The following SLC43A3 variants were observed in gnomAD, a reference collection of about 807,000 sequenced individuals.
The protein encoded by SLC43A3 is solute carrier family 43 member 3, also known as equilibrative nucleobase transporter 1.
A neutral mutation model predicts 53.3 loss-of-function variants in SLC43A3; 33 were observed. The ratio of observed to expected loss-of-function variants is 0.62; its 90% CI spans 0.47 to 0.83. The LOEUF (loss-of-function observed/expected upper bound fraction) is 0.83. Ranked by LOEUF, SLC43A3 falls within the 40% of genes least tolerant of loss-of-function variation. The probability of loss-of-function intolerance (pLI) is 0.00; values close to 1 mark genes in which losing one functional copy is unlikely to be tolerated. For missense variants in SLC43A3, 530 were observed against 610.0 expected, an observed-to-expected ratio of 0.87 and a Z score of 1.38; for synonymous variants, 236 against 246.2, an observed-to-expected ratio of 0.96 and a Z score of 0.39.
chr11:57,407,665 T>TTGTG lies in SLC43A3; in HGVS notation c.*123_*126dup, dbSNP rs3832767. The TTGTG allele has an allele frequency of 7.1e-3, 4,014 of 566,102 alleles. 23 individuals are homozygous for TTGTG. The highest frequency in any genetic ancestry group is 0.031 in the African/African-American group (1,630 of 52,702). 35.1% of individuals were successfully genotyped at this position (566,102 alleles called of 1,614,324 possible). The stretch of plus-strand genomic sequence containing the variant: ...GCAGACGTCCTTGTGTGTCTTTATT[T>TTGTG]TGTGTGTGTGTGTGTGTGTGTGTGT... On this transcript the variant is annotated 3_prime_UTR_variant, in exon 14 of 14. Transcript: ENST00000395124.
intron 7 of SLC43A3, among the ~76,000 whole-genome samples, chr11:57,420,347 T>C (rs1354241284): frequency 6.6e-6 from 1 of 152,232 alleles, no homozygotes; most frequent in Non-Finnish European, 1.5e-5. Context: ...GATCATATGC[T>C]GACCTCCACC....
intron 13 of SLC43A3, 125 bp downstream of exon 13, chr11:57,409,050 A>AATAACAC: frequency 1.1e-6 from 1 of 934,832 alleles, no homozygotes; most frequent in South Asian, 1.5e-5. Flanking sequence ...CAAATACTTG[A>AATAACAC]ATAACACAGA....
At chr11:57,415,625 T>C (rs1174161983) in intron 9 of SLC43A3, among the ~76,000 whole-genome samples, 1 of 152,178 alleles carries the variant, frequency 6.6e-6, no homozygotes, top group Non-Finnish European at 1.5e-5. Flanking sequence ...ACCAATGAGA[T>C]GGTTCCTCCT....
chr11:57,416,083 G>A (rs1942703625), intron 9 of SLC43A3, among the ~76,000 whole-genome samples: 1 of 152,018 alleles, frequency 6.6e-6, no homozygotes, highest in Non-Finnish European at 1.5e-5. Flanking sequence ...TTTGTCCTTC[G>A]ACCTGCATCT....
intron 5 of SLC43A3, 48 bp downstream of exon 5, chr11:57,423,934 C>G (rs1943095477): frequency 6.3e-7 from 1 of 1,585,040 alleles, no homozygotes; most frequent in Admixed American, 1.7e-5. Context: ...CCCCAGCCAC[C>G]AGGTGCCTCT....
chr11:57,421,042 T>C lies in SLC43A3; in HGVS notation c.461A>G (p.His154Arg). Residue 154 changes from histidine (H) to arginine (R), a missense_variant, in exon 7 of 14, where the codon CAC (histidine) becomes CGC (arginine). His to Arg is a conservative substitution (Grantham distance 29, BLOSUM62 0). This residue lies in a region of SLC43A3 where 376 missense variants were observed against 386.7 expected (regional missense o/e 0.97). Transcript: ENST00000395124. Reference sequence around the variant, plus strand: ...GTACAGAGTGATGATGGTCGAACGGTGTTGGCCAAATAGGTTCCCAATCTG... The same window carrying C: ...GTACAGAGTGATGATGGTCGAACGGCGTTGGCCAAATAGGTTCCCAATCTG... Reference protein sequence around the residue: ...NLQIGNLFGQHRSTIITLYNG... With the variant: ...NLQIGNLFGQRRSTIITLYNG... The C allele has an allele frequency of 6.2e-7, 1 of 1,613,402 alleles. No homozygotes were observed. The highest frequency in any genetic ancestry group is 1.1e-5 in the South Asian group (1 of 91,076).
chr11:57,418,358 A>G (rs1394225088), intron 7 of SLC43A3, among the ~76,000 whole-genome samples: 1 of 151,908 alleles, frequency 6.6e-6, no homozygotes, highest in East Asian at 1.9e-4. Flanking sequence ...AAAGGAAAGG[A>G]AAGAAATTCT....
intron 8 of SLC43A3, among the ~76,000 whole-genome samples, chr11:57,417,197 G>A (rs894598685): frequency 2.0e-5 from 3 of 152,160 alleles, no homozygotes; most frequent in Non-Finnish European, 4.4e-5. Flanking sequence ...CCCCCAATTT[G>A]AATGAGACTG....
At chr11:57,408,896 C>A in intron 13 of SLC43A3, 1 of 404,488 alleles carries the variant, frequency 2.5e-6, no homozygotes, top group Non-Finnish European at 4.6e-6. Context: ...CCTGTGTGGG[C>A]CTAGGGGAGA....
At chr11:57,408,245 A>G (rs1490047606) in intron 13 of SLC43A3, 7 of 207,462 alleles carry the variant, frequency 3.4e-5, no homozygotes, top group Admixed American at 1.6e-4. Flanking sequence ...TGTCACAATC[A>G]AGTCATTCGC....
intron 11 of SLC43A3, among the ~76,000 whole-genome samples, chr11:57,411,847 C>G (rs1349528075): frequency 1.3e-5 from 2 of 152,022 alleles, no homozygotes; most frequent in African/African-American, 4.8e-5. Context: ...ATTTAAAATA[C>G]TATATATGTG....
intron 7 of SLC43A3, 54 bp from the exon 8 acceptor site, chr11:57,417,941 A>G: frequency 6.4e-7 from 1 of 1,568,146 alleles, no homozygotes; most frequent in South Asian, 1.1e-5. Context: ...TAGCAGCACT[A>G]TTCACAATAG....
chr11:57,425,518 C>T (rs1217011079), intron 4 of SLC43A3, 23 bp downstream of exon 4: 5 of 1,608,524 alleles, frequency 3.1e-6, no homozygotes, highest in Non-Finnish European at 4.3e-6. Context: ...CCACCTTTGC[C>T]TGGGCTGGCC....
At chr11:57,409,546 G>C (rs1402365707) in intron 12 of SLC43A3, among the ~76,000 whole-genome samples, 2 of 152,188 alleles carry the variant, frequency 1.3e-5, no homozygotes, top group Non-Finnish European at 2.9e-5. Context: ...CACCAGGAAA[G>C]AAAAGACAGG....
intron 12 of SLC43A3, among the ~76,000 whole-genome samples, chr11:57,409,499 G>A (rs193012070): frequency 2.0e-5 from 3 of 152,288 alleles, no homozygotes; most frequent in African/African-American, 7.2e-5. Flanking sequence ...GCACATGCGG[G>A]GCCCTGGAAA....
chr11:57,418,746 G>A (rs1409236910), intron 7 of SLC43A3, among the ~76,000 whole-genome samples: 2 of 151,772 alleles, frequency 1.3e-5, no homozygotes, highest in Admixed American at 1.3e-4. Flanking sequence ...AAAAATTAGT[G>A]GGGCATGGTG....
intron 9 of SLC43A3, 64 bp downstream of exon 9, chr11:57,416,509 G>A: frequency 3.8e-6 from 5 of 1,318,814 alleles, no homozygotes; most frequent in Non-Finnish European, 5.4e-6. Flanking sequence ...GAGGTGAGGG[G>A]CCAGGAAAGG....
rs762743598 is a variant in SLC43A3, at chr11:57,415,120, G to A, written c.770-14C>T. 3 of 1,599,156 alleles carry A rather than the reference G, an allele frequency of 1.9e-6. No individual in the cohort carries two copies. The highest frequency in any genetic ancestry group is 1.7e-6 in the Non-Finnish European group (2 of 1,172,172). ...CCCCTGGGGTCTCTAATGGGGAGAG[G>A]AGGATCTGGGCGTGAATTACGAGGA... On this transcript the variant is annotated splice_polypyrimidine_tract_variant and intron_variant, in intron 9 of 13. Coordinates refer to ENST00000395124, the MANE Select transcript of SLC43A3 (RefSeq NM_199329.3).
Position 57,416,141 on chromosome 11 carries a change from G to A in SLC43A3, c.769+432C>T, listed in dbSNP as rs562636877. On this transcript the variant is annotated intron_variant, in intron 9 of 13. Transcript: ENST00000395124. The stretch of plus-strand genomic sequence containing the variant: ...TCTTATTTCTACTGTAGCTAGCTGC[G>A]GTTTGTGATGTGTGTAACCAAAGAC... Among the ~76,000 whole-genome samples the A allele has an allele frequency of 3.3e-4, 50 of 152,260 alleles. 1 individual carries two copies. Among genetic ancestry groups the A allele is most frequent in the Admixed American group, 3.1e-3 (48 of 15,294 alleles).
Sources: allele counts gnomAD v4.1 joint callset (sites outside exome capture counted in the v4.1 genomes callset), GRCh38; gene constraint gnomAD v4.1.1; regional missense constraint gnomAD v4.1.1; transcripts MANE v1.5; gene names NCBI Gene and HGNC (gene_info 2026-07-23, HGNC 2026-07-21).